Variants in IQSEC1 observed in about 807,000 individuals in gnomAD.
IQSEC1 encodes the protein IQ motif and SEC7 domain-containing protein 1.
In IQSEC1, 31 loss-of-function variants were observed where a neutral mutation model predicts 91.0. That is an observed-to-expected ratio of 0.34 (90% confidence interval 0.26 to 0.46). The LOEUF (loss-of-function observed/expected upper bound fraction) is 0.46. Among genes scored for constraint, IQSEC1 ranks in the 20% least tolerant of loss-of-function variants. The pLI is 1.00. For synonymous variants in IQSEC1, 699 were observed against 662.6 expected (o/e 1.05, Z -0.84); for missense variants, 1,388 against 1,575.6 (o/e 0.88, Z 2.02).
rs1698072897 is a variant in IQSEC1 at position 12,935,369 on chromosome 3, G to T, written c.1568+79C>A. 1 of 1,411,340 alleles carries T rather than the reference G, an allele frequency of 7.1e-7. No individual in the cohort carries two copies. Among genetic ancestry groups the T allele is most frequent in the Non-Finnish European group, 9.7e-7 (1 of 1,025,958 alleles). 87.4% of individuals were successfully genotyped at this position (1,411,340 alleles called of 1,614,324 possible). On this transcript the variant is annotated intron_variant, in intron 3 of 13. Coordinates refer to ENST00000613206, the MANE Select transcript of IQSEC1 (RefSeq NM_001134382.3). The surrounding 1 kb of genome is among the most constrained non-coding windows in gnomAD (Gnocchi z 8.0). The stretch of plus-strand genomic sequence containing the variant: ...CGGTGGACCTCAAGCTCCGTGCTTG[G>T]AAGGATGCAGCCACGCCCACCCGCC...
intron 2 of IQSEC1, among the ~76,000 whole-genome samples, chr3:12,937,881 C>A (rs574248524): frequency 6.6e-6 from 1 of 152,166 alleles, no homozygotes; most frequent in Non-Finnish European, 1.5e-5. Flanking sequence ...TCATGAGCAC[C>A]GCCATTCCTA....
intron 1 of IQSEC1, among the ~76,000 whole-genome samples, chr3:13,219,359 C>A (rs1194388569): frequency 2.0e-5 from 3 of 152,184 alleles, no homozygotes; most frequent in Non-Finnish European, 4.4e-5. Context: ...CTGGAAATCC[C>A]CTCCCTGGAG....
At chr3:13,083,986 G>C (rs1316968719) in intron 2 of IQSEC1, among the ~76,000 whole-genome samples, 1 of 152,234 alleles carries the variant, frequency 6.6e-6, no homozygotes, top group Non-Finnish European at 1.5e-5. Flanking sequence ...CCAGGGAGGT[G>C]AGGGGAAGGG....
rs533570438 is a variant in IQSEC1 at position 13,199,231 on chromosome 3, A to ACCT, written c.273-35099_273-35098insAGG. Among the ~76,000 whole-genome samples the ACCT allele has an allele frequency of 2.4e-4, 37 of 152,342 alleles. No homozygotes were observed. In the East Asian group the frequency reaches 6.2e-3, roughly 25 times the overall value. On this transcript the variant is annotated intron_variant, in intron 1 of 15. Transcript: ENST00000648114. Reference sequence around the variant, plus strand: ...GCTTAGGATGGAAGAGAGCTGGGGCAGTGAGAAGGCTTTGTGGAGGTGGCC... The same window carrying ACCT: ...GCTTAGGATGGAAGAGAGCTGGGGCACCTGTGAGAAGGCTTTGTGGAGGTGGCC...
intron 1 of IQSEC1, chr3:13,015,601 G>A: frequency 1.0e-6 from 1 of 985,344 alleles, no homozygotes. Flanking sequence ...AGGGGGCGGA[G>A]GTGTCCCTGG....
intron 2 of IQSEC1, among the ~76,000 whole-genome samples, chr3:13,132,904 C>G (rs759786002): frequency 2.6e-5 from 4 of 152,192 alleles, no homozygotes; most frequent in Admixed American, 6.5e-5. Flanking sequence ...CCACAACCCC[C>G]GAATGCACAG....
chr3:13,046,363 C>T lies in IQSEC1; in HGVS notation c.23+26629G>A, dbSNP rs543072945. ...ACCACTTGGCTGTGTCCTCCAGGAGCGCACGCGGCGGGGCTGCCAGTCCCT... is the reference window on the plus strand; with the variant it reads ...ACCACTTGGCTGTGTCCTCCAGGAGTGCACGCGGCGGGGCTGCCAGTCCCT... On this transcript the variant is annotated intron_variant, in intron 1 of 13. Coordinates refer to ENST00000613206, the MANE Select transcript of IQSEC1 (RefSeq NM_001134382.3). Among the ~76,000 whole-genome samples, 9 of 152,342 alleles carry T rather than the reference C, an allele frequency of 5.9e-5. No homozygotes were observed. The East Asian group carries it at 1.2e-3, about 20-fold the overall frequency.
At chr3:12,947,815 G>T (rs1368170524) in intron 1 of IQSEC1, among the ~76,000 whole-genome samples, 1 of 152,238 alleles carries the variant, frequency 6.6e-6, no homozygotes, top group African/African-American at 2.4e-5. Flanking sequence ...GTCACTGAAA[G>T]GTCGCCAAGC....
At chr3:13,027,317 G>C (rs990536165) in intron 1 of IQSEC1, among the ~76,000 whole-genome samples, 1 of 152,218 alleles carries the variant, frequency 6.6e-6, no homozygotes, top group Non-Finnish European at 1.5e-5. Context: ...CGCAGGCAGG[G>C]GCTGGGCACT....
At chr3:13,090,351 T>C (rs931153794) in intron 2 of IQSEC1, among the ~76,000 whole-genome samples, 1 of 152,232 alleles carries the variant, frequency 6.6e-6, no homozygotes, top group Non-Finnish European at 1.5e-5. Flanking sequence ...TTCACTATAC[T>C]CTAGTGCCTG....
chr3:13,040,573 T>A (rs1704223169), intron 1 of IQSEC1, among the ~76,000 whole-genome samples: 1 of 152,192 alleles, frequency 6.6e-6, no homozygotes, highest in Non-Finnish European at 1.5e-5. Context: ...ACTCTCAGTT[T>A]GCCACTTGCC....
At chr3:13,077,304 G>A (rs1178789415), upstream of IQSEC1, among the ~76,000 whole-genome samples, 1 of 152,178 alleles carries the variant, frequency 6.6e-6, no homozygotes, top group Non-Finnish European at 1.5e-5. Flanking sequence ...TGACGAATAT[G>A]ATGGAAGCCC....
intron 1 of IQSEC1, among the ~76,000 whole-genome samples, chr3:13,049,215 G>T (rs568950770): frequency 1.3e-5 from 2 of 152,178 alleles, no homozygotes; most frequent in Non-Finnish European, 2.9e-5. Flanking sequence ...CAGCCTGGCC[G>T]CTCAGCTGCA....
At chr3:13,090,421 T>C (rs1441014961) in intron 2 of IQSEC1, among the ~76,000 whole-genome samples, 1 of 152,190 alleles carries the variant, frequency 6.6e-6, no homozygotes, top group African/African-American at 2.4e-5. Flanking sequence ...AGTGGATGTA[T>C]GAATGAATGA....
chr3:13,092,223 C>G (rs1705874627), intron 2 of IQSEC1, among the ~76,000 whole-genome samples: 1 of 152,194 alleles, frequency 6.6e-6, no homozygotes, highest in African/African-American at 2.4e-5. Context: ...GAGCTTCTGC[C>G]AGCTCTGAGG....
intron 1 of IQSEC1, among the ~76,000 whole-genome samples, chr3:13,206,606 C>T (rs1694349365): frequency 6.6e-6 from 1 of 152,108 alleles, no homozygotes; most frequent in Admixed American, 6.5e-5. Flanking sequence ...TAAAATTTTG[C>T]AAATCATTAG....
chr3:13,092,518 T>G (rs1182138389), intron 2 of IQSEC1, among the ~76,000 whole-genome samples: 1 of 152,074 alleles, frequency 6.6e-6, no homozygotes, highest in Non-Finnish European at 1.5e-5. Flanking sequence ...GGAACTGAGA[T>G]GCTGCCAAGA....
chr3:12,903,073 C>A (rs1694553557), intron 12 of IQSEC1, among the ~76,000 whole-genome samples: 1 of 152,128 alleles, frequency 6.6e-6, no homozygotes, highest in African/African-American at 2.4e-5. Context: ...TTTTTTAAAC[C>A]AGCCCCAATT....
chr3:13,174,839 C>G (rs111320059), intron 1 of IQSEC1, among the ~76,000 whole-genome samples: 3 of 151,558 alleles, frequency 2.0e-5, no homozygotes, highest in East Asian at 3.9e-4. Flanking sequence ...CTGCTCCCCC[C>G]CCCCACCTCC....
Sources: allele counts gnomAD v4.1 joint callset (sites outside exome capture counted in the v4.1 genomes callset), GRCh38; gene constraint gnomAD v4.1.1; non-coding constraint Gnocchi (gnomAD v3.1); transcripts MANE v1.5; gene names NCBI Gene and HGNC (gene_info 2026-07-23, HGNC 2026-07-21).